The following SPAG17 variants were observed in gnomAD, a reference collection of about 807,000 sequenced individuals.
SPAG17 encodes the protein sperm associated antigen 17.
SPAG17 carries 169 observed loss-of-function variants against 273.6 expected under a neutral mutation model. The observed-to-expected ratio is 0.62, with a 90% CI of 0.55 to 0.70. SPAG17 has a LOEUF of 0.70. SPAG17 is among the 30% of genes least tolerant of loss of function. The pLI, the probability that SPAG17 is intolerant of heterozygous loss-of-function variation, is 0.00. For missense variants in SPAG17, 2,557 were observed against 2,627.8 expected (o/e 0.97, Z 0.59); for synonymous variants, 825 against 873.2 (o/e 0.94, Z 0.97).
At chr1:117,966,776 A>T in intron 46 of SPAG17, 23 bp from the exon 47 acceptor site, 1 of 1,583,270 alleles carries the variant, frequency 6.3e-7, no homozygotes, top group Non-Finnish European at 8.6e-7. Context: ...AGGTAGCTTT[A>T]GGACCAGACA....
At chr1:118,012,393 C>A in intron 29 of SPAG17, 21 bp from the exon 30 acceptor site, 1 of 1,609,262 alleles carries the variant, frequency 6.2e-7, no homozygotes, top group Non-Finnish European at 8.5e-7. Context: ...AGAGGCAGGA[C>A]ATAATCATTT....
intron 1 of SPAG17, among the ~76,000 whole-genome samples, chr1:118,183,382 G>A (rs1392038495): frequency 6.6e-6 from 1 of 152,162 alleles, no homozygotes; most frequent in Non-Finnish European, 1.5e-5. Context: ...GAACTGCTGG[G>A]TTAATCTGGG....
At chr1:117,980,513 T>C (rs999843179) in intron 43 of SPAG17, among the ~76,000 whole-genome samples, 1 of 152,236 alleles carries the variant, frequency 6.6e-6, no homozygotes, top group Non-Finnish European at 1.5e-5. Flanking sequence ...ATTACAGGCA[T>C]GAGCCACAGT....
chr1:118,116,900 A>G (rs147261336), intron 3 of SPAG17, among the ~76,000 whole-genome samples: 1 of 152,240 alleles, frequency 6.6e-6, no homozygotes, highest in African/African-American at 2.4e-5. Context: ...AGGGAAAGAG[A>G]CATGATGGCT....
At chr1:117,980,357 C>T (rs1390857433) in intron 43 of SPAG17, among the ~76,000 whole-genome samples, 3 of 151,970 alleles carry the variant, frequency 2.0e-5, no homozygotes, top group African/African-American at 4.8e-5. Context: ...TCAGGCTCCT[C>T]GGTAGCTAGC....
At chr1:118,028,130 A>G (rs1252709053) in intron 26 of SPAG17, 144 bp downstream of exon 26, 2 of 923,628 alleles carry the variant, frequency 2.2e-6, no homozygotes, top group Non-Finnish European at 3.3e-6. Context: ...GTGCCTGGCC[A>G]TAGTAAATGC....
At chr1:118,107,740 A>T (rs1656493587) in intron 4 of SPAG17, among the ~76,000 whole-genome samples, 1 of 152,166 alleles carries the variant, frequency 6.6e-6, no homozygotes, top group African/African-American at 2.4e-5. Flanking sequence ...TATTACTAAA[A>T]ATTTGGAAAA....
intron 40 of SPAG17, 72 bp from the exon 41 acceptor site, chr1:117,984,854 G>A: frequency 1.1e-6 from 1 of 925,958 alleles, no homozygotes; most frequent in Non-Finnish European, 1.7e-6. Flanking sequence ...TTGTGCTTTA[G>A]CTCTAAATCC....
chr1:118,016,108 T>C lies in SPAG17; in HGVS notation c.4144A>G (p.Thr1382Ala). 3 of 1,614,112 alleles carry C rather than the reference T, an allele frequency of 1.9e-6. No homozygotes were observed. The highest frequency in any genetic ancestry group is 2.5e-6 in the Non-Finnish European group (3 of 1,179,972). The stretch of plus-strand genomic sequence containing the variant: ...ATGTGAACCTCCACAGGAGTTACAG[T>C]TTGAACTGCCTCTGGAGGAGGGTCA... ...IHDPPPEAVQ[T>A]VTPVEVHIGT... The change falls in exon 29 of 49, where the codon ACT becomes GCT. Residue 1382 changes from threonine (T) to alanine (A), a missense_variant. Physicochemically the swap from Thr to Ala is moderately conservative, Grantham distance 58 (BLOSUM62 0). Coordinates refer to ENST00000336338, the MANE Select transcript of SPAG17 (RefSeq NM_206996.4).
intron 13 of SPAG17, among the ~76,000 whole-genome samples, chr1:118,083,104 C>T (rs542973875): frequency 1.3e-5 from 2 of 152,254 alleles, no homozygotes; most frequent in South Asian, 2.1e-4. Context: ...TCTGCAGGCA[C>T]GTGCCACCAC....
rs1659278384 is a variant in SPAG17, at chr1:118,149,920, A to T, written c.315+623T>A. ...AGGCAGGGTGAGAAGAAATCCCCTT[A>T]TACGGAGAATGAGTCCTACGTCCTT... On this transcript the variant is annotated intron_variant, in intron 3 of 48. Transcript: ENST00000336338. 3.3e-5 allele frequency among the ~76,000 whole-genome samples: 5 copies of T among 152,198 alleles called. No individual in the cohort carries two copies. In the South Asian group the frequency reaches 1.0e-3, roughly 31 times the overall value.
At chr1:118,115,569 G>GA (rs369861593) in intron 3 of SPAG17, 128 bp from the exon 4 acceptor site, 10,194 of 850,316 alleles carry the variant, frequency 0.012, no homozygotes, top group East Asian at 0.014. Flanking sequence ...ATTGCTGGCT[G>GA]AAAAAAAAAA....
chr1:118,110,799 C>G (rs1656711496), intron 4 of SPAG17, among the ~76,000 whole-genome samples: 1 of 152,218 alleles, frequency 6.6e-6, no homozygotes, highest in African/African-American at 2.4e-5. Context: ...GGCAAGCACT[C>G]TACTGATTGT....
chr1:117,960,378 T>A (rs1652905199), intron 48 of SPAG17: 1 of 152,176 alleles, frequency 6.6e-6, no homozygotes, highest in Admixed American at 6.5e-5. Context: ...AAATGTTACT[T>A]AGAAAATCAT....
At chr1:118,107,410 T>C (rs1362185953) in intron 4 of SPAG17, among the ~76,000 whole-genome samples, 2 of 152,216 alleles carry the variant, frequency 1.3e-5, no homozygotes, top group Non-Finnish European at 2.9e-5. Context: ...CTTTTTGCCT[T>C]TGCATTCCTC....
At chr1:118,125,197 T>C (rs1434780419) in intron 3 of SPAG17, among the ~76,000 whole-genome samples, 5 of 151,310 alleles carry the variant, frequency 3.3e-5, no homozygotes, top group Non-Finnish European at 7.4e-5. Context: ...CATATCAATT[T>C]TTTAAAAAAT....
Position 117,988,203 on chromosome 1 carries a change from A to C in SPAG17, c.5523T>G (p.Val1841=). ...EETTKSHVTE[V]AAHLTDLFKQ... is the part of the protein sequence containing the mutation. Reference sequence around the variant, plus strand: ...TGAATAAATCAGTTAGGTGAGCTGCAACTTTAAACATAGATGTATTTAACT... The same window carrying C: ...TGAATAAATCAGTTAGGTGAGCTGCCACTTTAAACATAGATGTATTTAACT... The change falls in exon 39 of 49, where the codon GTT becomes GTG. Residue 1841 remains valine, a splice_region_variant and synonymous_variant. Coordinates refer to ENST00000336338, the MANE Select transcript of SPAG17 (RefSeq NM_206996.4). The C allele has an allele frequency of 6.3e-7, 1 of 1,592,520 alleles. No homozygotes were observed. Among genetic ancestry groups the C allele is most frequent in the East Asian group, 2.2e-5 (1 of 44,644 alleles).
chr1:118,112,407 T>C (rs1656820690), intron 4 of SPAG17, among the ~76,000 whole-genome samples: 1 of 152,118 alleles, frequency 6.6e-6, no homozygotes, highest in Admixed American at 6.6e-5. Context: ...TAAATGTTTG[T>C]TGAATTGATA....
intron 3 of SPAG17, among the ~76,000 whole-genome samples, chr1:118,146,916 T>G (rs1342096141): frequency 1.3e-5 from 2 of 152,184 alleles, no homozygotes; most frequent in African/African-American, 4.8e-5. Flanking sequence ...GGACCTTTCC[T>G]TTCAAATGGC....
Sources: allele counts gnomAD v4.1 joint callset (sites outside exome capture counted in the v4.1 genomes callset), GRCh38; gene constraint gnomAD v4.1.1; transcripts MANE v1.5; gene names NCBI Gene and HGNC (gene_info 2026-07-23, HGNC 2026-07-21).